COG8: variants seen among roughly 807,000 people sequenced by gnomAD.
COG8 encodes component of oligomeric golgi complex 8, also known as conserved oligomeric Golgi complex subunit 8.
Under a neutral mutation model 46.5 loss-of-function variants are expected in COG8, and 45 were observed. The observed-to-expected ratio is 0.97, with a 90% CI of 0.76 to 1.24. The LOEUF is 1.24. Among genes scored for constraint, COG8 ranks in the 50% most tolerant of loss-of-function variants. The pLI is 0.00. For missense variants in COG8, 793 were observed against 820.8 expected (o/e 0.97, Z 0.41); for synonymous variants, 407 against 347.8 (o/e 1.17, Z -1.90).
rs146417943 is a variant in COG8, at chr16:69,334,955, G to A, written c.979C>T (p.Leu327=). The part of the protein sequence containing the change: ...GWVLQKVSQF[L]QVLETDLYRG... ...TAAAGGTCGGTCTCCAGCACCTGCA[G>A]GAATTGTGAGACCTTCTGTAGCACC... The change falls in exon 3 of 6, where the codon CTG becomes TTG. Residue 327 remains leucine, a synonymous_variant. Transcript: ENST00000306875. The A allele has an allele frequency of 1.9e-6, 3 of 1,614,210 alleles. No individual in the cohort carries two copies. The highest frequency in any genetic ancestry group is 1.7e-6 in the Non-Finnish European group (2 of 1,180,042).
chr16:69,335,650 T>C (rs1022643066), intron 2 of COG8, among the ~76,000 whole-genome samples: 4 of 151,948 alleles, frequency 2.6e-5, no homozygotes, highest in South Asian at 2.1e-4. Flanking sequence ...ACCTCGTCTC[T>C]ACTAAAAATA....
chr16:69,331,129 C>CA (rs780751637), intron 4 of COG8, 34 bp from the exon 5 acceptor site: 39 of 1,611,624 alleles, frequency 2.4e-5, no homozygotes, highest in Non-Finnish European at 3.1e-5. Context: ...AAATGGAAAA[C>CA]AGTTACTAAT....
At position 69,327,150 on chromosome 16, in the gene COG8, T is replaced by A. The variant is rs1159539540; in HGVS notation, c.*2056A>T. The A allele has an allele frequency of 1.3e-5, 2 of 149,594 alleles. No homozygotes were observed. The highest frequency in any genetic ancestry group is 1.9e-4 in the East Asian group (1 of 5,170). The allele number at this position is 149,594 out of a possible 1,614,324, so 9.3% of individuals were successfully genotyped here. ...TCTCTGACCTTGCACCAGTATCTGG[T>A]TGGGATTCCCTTTTTTTTTTTTTTT... On this transcript the variant is annotated 3_prime_UTR_variant, in exon 6 of 6. Coordinates refer to ENST00000306875, the MANE Select transcript of COG8 (RefSeq NM_032382.5).
In COG8 at chr16:69,329,197, G is replaced by T. The variant is rs1243840768; in HGVS notation, c.*27-18C>A. 1 of 1,571,096 alleles carries T rather than the reference G, an allele frequency of 6.4e-7. No individual in the cohort carries two copies. Among genetic ancestry groups the T allele is most frequent in the South Asian group, 1.2e-5 (1 of 86,012 alleles). Reference sequence around the variant, plus strand: ...GTCCAGCCCTGCAAAGGAAGTTACAGCCCTGGTGAGTGGGAACAGCTGAAC... The same window carrying T: ...GTCCAGCCCTGCAAAGGAAGTTACATCCCTGGTGAGTGGGAACAGCTGAAC... On this transcript the variant is annotated intron_variant, in intron 5 of 5. Transcript: ENST00000306875.
rs929367245 is a variant in COG8 at position 69,330,660 on chromosome 16, C to G, written c.*26+153G>C. 1.4e-4 allele frequency: 196 copies of G among 1,401,410 alleles called. No homozygotes were observed. In the African/African-American group the frequency reaches 2.5e-3, roughly 18 times the overall value. 86.8% of individuals were successfully genotyped at this position (1,401,410 alleles called of 1,614,324 possible). A position where few individuals can be genotyped will look rare whatever the true frequency, so the allele number is the denominator to read the frequency against. ...CGCCGTCGGCCAGCACACAGCGAAG[C>G]CGCGACTGGATCCCCGCCTTCCTGC... On this transcript the variant is annotated intron_variant, in intron 5 of 5. Coordinates refer to ENST00000306875, the MANE Select transcript of COG8 (RefSeq NM_032382.5).
chr16:69,326,555 GTCCA>G lies in COG8; in HGVS notation c.*2647_*2650del, dbSNP rs1965599541. ...GTTAACAAAGGTTAGCATGGCTATG[GTCCA>G]TCCCTGTGCTCTAGTTAGAGCGTGA... On this transcript the variant is annotated 3_prime_UTR_variant, in exon 6 of 6. Coordinates refer to ENST00000306875, the MANE Select transcript of COG8 (RefSeq NM_032382.5). 3 of 152,178 alleles carry G rather than the reference GTCCA, an allele frequency of 2.0e-5. No homozygotes were observed. In the South Asian group the frequency reaches 6.2e-4, roughly 31 times the overall value. The allele number at this position is 152,178 out of a possible 1,614,324, so 9.4% of individuals were successfully genotyped here. A position where few individuals can be genotyped will look rare whatever the true frequency, so the allele number is the denominator to read the frequency against.
chr16:69,333,870 A>C (rs1029739979), intron 3 of COG8, among the ~76,000 whole-genome samples: 2 of 152,214 alleles, frequency 1.3e-5, no homozygotes, highest in Non-Finnish European at 2.9e-5. Flanking sequence ...GAATATGCTA[A>C]AGGTAAAGGG....
In COG8 at chr16:69,334,903, G is replaced by C. The variant is rs146198139; in HGVS notation, c.1031C>G (p.Ser344Cys). The C allele has an allele frequency of 1.9e-6, 3 of 1,614,176 alleles. No individual in the cohort carries two copies. The highest frequency in any genetic ancestry group is 2.5e-6 in the Non-Finnish European group (3 of 1,180,034). The change falls in exon 3 of 6, where the codon TCT becomes TGT. Residue 344 changes from serine to cysteine, a missense_variant. By Grantham distance (112) the Ser-to-Cys change is moderately radical. Coordinates refer to ENST00000306875, the MANE Select transcript of COG8 (RefSeq NM_032382.5). Reference protein sequence around the residue: ...LYRGIGGHLDSLLGQCMYFGL... With the variant: ...LYRGIGGHLDCLLGQCMYFGL... ...AAAGTACATGCACTGGCCCAGCAGA[G>C]AGTCCAGGTGGCCGCCTATGCCCCG...
Position 69,330,960 on chromosome 16 carries a change from T to A in COG8, c.1718A>T (p.Glu573Val). The change falls in exon 5 of 6, where the codon GAG (glutamate) becomes GTG (valine). Residue 573 changes from glutamate (E) to valine (V), a missense_variant. By Grantham distance (121) the Glu-to-Val change is moderately radical (BLOSUM62 -2). Coordinates refer to ENST00000306875, the MANE Select transcript of COG8 (RefSeq NM_032382.5). ...FTLDDQALGPELTAPAPEPPA... is the reference protein window; with the variant it reads ...FTLDDQALGPVLTAPAPEPPA... ...AGGCTCTGGTGCTGGAGCTGTGAGCTCGGGCCCCAGCGCCTGGTCATCCAG... is the reference window on the plus strand; with the variant it reads ...AGGCTCTGGTGCTGGAGCTGTGAGCACGGGCCCCAGCGCCTGGTCATCCAG... 1 of 1,581,572 alleles carries A rather than the reference T, an allele frequency of 6.3e-7. No homozygotes were observed. Among genetic ancestry groups the A allele is most frequent in the Non-Finnish European group, 8.6e-7 (1 of 1,164,456 alleles).
At chr16:69,335,815 CAA>C (rs550711525) in intron 2 of COG8, among the ~76,000 whole-genome samples, 1 of 88,732 alleles carries the variant, frequency 1.1e-5, no homozygotes, top group Admixed American at 1.3e-4. Flanking sequence ...GACTCTGTCT[CAA>C]AAAAAAAAAA....
intron 5 of COG8, chr16:69,329,879 C>A: frequency 7.9e-7 from 1 of 1,260,522 alleles, no homozygotes; most frequent in Non-Finnish European, 1.0e-6. Context: ...CTCCCGCATC[C>A]CACTTCGCTC....
rs2012150514 is a variant in COG8 at position 69,335,343 on chromosome 16, G to GA, written c.590dup (p.Val198ArgfsTer43). 6.3e-7 allele frequency: 1 copy of GA among 1,592,714 alleles called. No individual in the cohort carries two copies. Among genetic ancestry groups the GA allele is most frequent in the African/African-American group, 1.3e-5 (1 of 74,588 alleles). On this transcript the variant is annotated frameshift_variant, in exon 3 of 6. Transcript: ENST00000306875. LOFTEE classifies it high-confidence loss of function. ...GCATGGACTGGCGCACTTCGTTCAC[G>GA]ATGCCCTGACAATACACAGAGAGAG...
chr16:69,326,570 CTAGT>C lies in COG8; in HGVS notation c.*2632_*2635del, dbSNP rs1459410980. 6.6e-6 allele frequency: 1 copy of C among 152,246 alleles called. No individual in the cohort carries two copies. The highest frequency in any genetic ancestry group is 1.9e-4 in the East Asian group (1 of 5,200). The allele number at this position is 152,246 out of a possible 1,614,324, so 9.4% of individuals were successfully genotyped here. A position where few individuals can be genotyped will look rare whatever the true frequency, so the allele number is the denominator to read the frequency against. On this transcript the variant is annotated 3_prime_UTR_variant, in exon 6 of 6. Coordinates refer to ENST00000306875, the MANE Select transcript of COG8 (RefSeq NM_032382.5). ...CATGGCTATGGTCCATCCCTGTGCT[CTAGT>C]TAGAGCGTGAAGACACCTGACTTTC...
Position 69,328,823 on chromosome 16 carries a change from G to T in COG8, c.*383C>A. On this transcript the variant is annotated 3_prime_UTR_variant, in exon 6 of 6. Transcript: ENST00000306875. ...TGGGGGTGATTTTTCTCCTCAAGTT[G>T]TAGCCAACATTTTGTCCGTAACTGA... The T allele has an allele frequency of 3.0e-6, 2 of 667,574 alleles. No homozygotes were observed. The highest frequency in any genetic ancestry group is 4.8e-6 in the Non-Finnish European group (2 of 412,754). The allele number at this position is 667,574 out of a possible 1,614,324, so 41.4% of individuals were successfully genotyped here. A position where few individuals can be genotyped will look rare whatever the true frequency, so the allele number is the denominator to read the frequency against.
chr16:69,339,364 G>A lies in COG8; in HGVS notation c.189C>T (p.Arg63=). 1 of 1,581,924 alleles carries A rather than the reference G, an allele frequency of 6.3e-7. No homozygotes were observed. Among genetic ancestry groups the A allele is most frequent in the Non-Finnish European group, 8.6e-7 (1 of 1,168,764 alleles). Residue 63 remains arginine (R), a synonymous_variant, in exon 1 of 6, where the codon CGC becomes CGT. Coordinates refer to ENST00000306875, the MANE Select transcript of COG8 (RefSeq NM_032382.5). ...GCTCCTCCGCCAGGCGCTCGGGCTCGCGCCGCAGCCGCTCCAGCCCCGAGC... is the reference window on the plus strand; with the variant it reads ...GCTCCTCCGCCAGGCGCTCGGGCTCACGCCGCAGCCGCTCCAGCCCCGAGC... The part of the protein sequence containing the change: ...LSGSGLERLR[R]EPERLAEERA...
chr16:69,330,342 C>CGCGCA, intron 5 of COG8: 1 of 1,461,352 alleles, frequency 6.8e-7, no homozygotes, highest in Non-Finnish European at 9.0e-7. Context: ...GCCGCCACGC[C>CGCGCA]GCGCAGCACC....
Position 69,336,526 on chromosome 16 carries a change from G to A in COG8, c.564C>T (p.Tyr188=). 4.3e-6 allele frequency: 7 copies of A among 1,614,188 alleles called. No individual in the cohort carries two copies. The highest frequency in any genetic ancestry group is 5.9e-6 in the Non-Finnish European group (7 of 1,180,042). The change falls in exon 2 of 6, where the codon TAC becomes TAT. Residue 188 remains tyrosine (Y), a synonymous_variant. Transcript: ENST00000306875. Reference sequence around the variant, plus strand: ...CTACCTGGATGACAGGGATGGAAGAGTATTTCCTCTCCAGTCGGCGTACGT... The same window carrying A: ...CTACCTGGATGACAGGGATGGAAGAATATTTCCTCTCCAGTCGGCGTACGT... ...AAYVRRLERK[Y]SSIPVIQGIV...
At chr16:69,337,921 T>TG (rs2012295412) in intron 1 of COG8, among the ~76,000 whole-genome samples, 1 of 151,022 alleles carries the variant, frequency 6.6e-6, no homozygotes, top group South Asian at 2.1e-4. Context: ...TTAGTAGACA[T>TG]GGGGGTTTCA....
intron 3 of COG8, among the ~76,000 whole-genome samples, chr16:69,334,247 G>A (rs1033557770): frequency 6.6e-6 from 1 of 152,170 alleles, no homozygotes; most frequent in Non-Finnish European, 1.5e-5. Flanking sequence ...ATGTGTTGCT[G>A]GAAGCTACTA....
Sources: gnomAD v4.1 joint callset for allele counts (sites outside exome capture counted in the v4.1 genomes callset) on GRCh38, gnomAD v4.1.1 for gene constraint, MANE v1.5 for transcripts, NCBI Gene and HGNC (gene_info 2026-07-23, HGNC 2026-07-21) for gene names.